MICU2: variants seen among roughly 807,000 people sequenced by gnomAD.
The protein encoded by MICU2 is calcium uptake protein 2, mitochondrial.
In MICU2, 64 loss-of-function variants were observed where a neutral mutation model predicts 60.4. That is an observed-to-expected ratio of 1.06 (90% confidence interval 0.87 to 1.31). The LOEUF (loss-of-function observed/expected upper bound fraction) is 1.31, where lower values mean the gene tolerates loss of function less well. MICU2 is among the 50% of genes most tolerant of loss of function. The pLI is 0.00. For missense variants in MICU2, 569 were observed against 531.0 expected (o/e 1.07, Z -0.70); for synonymous variants, 201 against 175.0 (o/e 1.15, Z -1.17).
intron 1 of MICU2, among the ~76,000 whole-genome samples, chr13:21,573,483 A>T (rs1453555931): frequency 6.6e-6 from 1 of 152,164 alleles, no homozygotes; most frequent in Non-Finnish European, 1.5e-5. Flanking sequence ...CGTCTTAGCC[A>T]GGATGGTCTT....
intron 1 of MICU2, among the ~76,000 whole-genome samples, chr13:21,599,956 T>C (rs1888778225): frequency 6.6e-6 from 1 of 152,246 alleles, no homozygotes; most frequent in Non-Finnish European, 1.5e-5. Context: ...GTAATACCAC[T>C]ATAGCTTGTT....
intron 2 of MICU2, among the ~76,000 whole-genome samples, chr13:21,560,034 C>G (rs1226007305): frequency 1.3e-5 from 2 of 152,108 alleles, no homozygotes; most frequent in Non-Finnish European, 2.9e-5. Flanking sequence ...CTTACTACTT[C>G]TGTCCCTTTT....
chr13:21,496,274 AGAC>A, intron 9 of MICU2, 114 bp from the exon 10 acceptor site: 1 of 745,974 alleles, frequency 1.3e-6, no homozygotes. Flanking sequence ...TAAGAGGAAG[AGAC>A]AACAGAGCTT....
At chr13:21,502,433 T>G (rs571838858) in intron 9 of MICU2, among the ~76,000 whole-genome samples, 1 of 152,332 alleles carries the variant, frequency 6.6e-6, no homozygotes, top group Admixed American at 6.5e-5. Flanking sequence ...CATATGCATG[T>G]CATTACATTT....
intron 1 of MICU2, among the ~76,000 whole-genome samples, chr13:21,584,157 G>A (rs1888408306): frequency 6.6e-6 from 1 of 152,098 alleles, no homozygotes; most frequent in African/African-American, 2.4e-5. Flanking sequence ...TGGGAGGCTG[G>A]GGCGGGTGGA....
chr13:21,552,937 T>C (rs527618708), intron 2 of MICU2, among the ~76,000 whole-genome samples: 3 of 152,212 alleles, frequency 2.0e-5, no homozygotes, highest in African/African-American at 2.4e-5. Context: ...CCATATGAAC[T>C]TTAAAGTAGT....
rs147343580 is a variant in MICU2, at chr13:21,597,146, T to C, written c.210+6793A>G. Among the ~76,000 whole-genome samples, 252 of 152,362 alleles carry C rather than the reference T, an allele frequency of 1.7e-3. 1 individual carries two copies. Among genetic ancestry groups the C allele is most frequent in the Middle Eastern group, 3.4e-3 (1 of 294 alleles). On this transcript the variant is annotated intron_variant, in intron 1 of 11. Coordinates refer to ENST00000382374, the MANE Select transcript of MICU2 (RefSeq NM_152726.3). ...ATCTTATATGTAGTCACAGGTTAAATTGACCCATCTTTAAACTTCAGAGAC... is the reference window on the plus strand; with the variant it reads ...ATCTTATATGTAGTCACAGGTTAAACTGACCCATCTTTAAACTTCAGAGAC...
rs374373614 is a variant in MICU2 at position 21,517,770 on chromosome 13, G to GACACACACACAC, written c.598-3364_598-3353dup. 2.6e-4 allele frequency among the ~76,000 whole-genome samples: 37 copies of GACACACACACAC among 144,610 alleles called. 1 individual carries two copies. The highest frequency in any genetic ancestry group is 9.0e-4 in the African/African-American group (36 of 39,936). The allele number at this position is 144,610 out of a possible 152,430, so 94.9% of individuals were successfully genotyped here. Reference sequence around the variant, plus strand: ...ACTCCAGCCTGGGTGACAGAGCGAGGACACACACACACACACACACACACA... The same window carrying GACACACACACAC: ...ACTCCAGCCTGGGTGACAGAGCGAGGACACACACACACACACACACACACACACACACACACA... On this transcript the variant is annotated intron_variant, in intron 6 of 11. Coordinates refer to ENST00000382374, the MANE Select transcript of MICU2 (RefSeq NM_152726.3).
intron 6 of MICU2, among the ~76,000 whole-genome samples, chr13:21,518,730 A>T (rs1237150847): frequency 6.6e-6 from 1 of 152,134 alleles, no homozygotes; most frequent in Non-Finnish European, 1.5e-5. Context: ...TAAATCTATC[A>T]ATTTCTTGTC....
intron 7 of MICU2, among the ~76,000 whole-genome samples, chr13:21,512,088 T>C (rs1364040063): frequency 6.6e-6 from 1 of 152,208 alleles, no homozygotes; most frequent in African/African-American, 2.4e-5. Context: ...CCACTAGCAA[T>C]GAGTGATTCA....
chr13:21,539,599 A>C, intron 3 of MICU2, 58 bp downstream of exon 3: 1 of 1,610,846 alleles, frequency 6.2e-7, no homozygotes, highest in Non-Finnish European at 8.5e-7. Flanking sequence ...TGCCCGGCCA[A>C]AAGTTCATTT....
chr13:21,507,900 C>A (rs745479931), intron 8 of MICU2, among the ~76,000 whole-genome samples: 2 of 151,960 alleles, frequency 1.3e-5, no homozygotes, highest in East Asian at 1.9e-4. Flanking sequence ...CCGCGCCCGG[C>A]CAGATTTTCT....
At chr13:21,583,834 A>G (rs1243083041) in intron 1 of MICU2, among the ~76,000 whole-genome samples, 7 of 152,248 alleles carry the variant, frequency 4.6e-5, no homozygotes, top group South Asian at 4.1e-4. Context: ...ATTATGACCA[A>G]GTTAAACTGA....
intron 9 of MICU2, among the ~76,000 whole-genome samples, chr13:21,502,292 T>C (rs1460068799): frequency 6.6e-6 from 1 of 152,116 alleles, no homozygotes; most frequent in African/African-American, 2.4e-5. Flanking sequence ...ATTGTAAACA[T>C]TTTTTTGGAA....
chr13:21,528,875 T>C (rs1380789070), intron 4 of MICU2, among the ~76,000 whole-genome samples: 2 of 152,074 alleles, frequency 1.3e-5, no homozygotes, highest in South Asian at 2.1e-4. Flanking sequence ...AATTCTCCAA[T>C]GAACAGAAGG....
In MICU2 at chr13:21,525,181, ATTTTTTTTT is replaced by A. The variant is rs71093324; in HGVS notation, c.467-2540_467-2532del. 3.6e-4 allele frequency among the ~76,000 whole-genome samples: 30 copies of A among 83,306 alleles called. 1 individual carries two copies. In the South Asian group the frequency reaches 5.6e-3, roughly 16 times the overall value. The allele number at this position is 83,306 out of a possible 152,430, so 54.7% of individuals were successfully genotyped here. A position where few individuals can be genotyped will look rare whatever the true frequency, so the allele number is the denominator to read the frequency against. The stretch of plus-strand genomic sequence containing the variant: ...TCATACAGTAATGCTGTGTAATTCA[ATTTTTTTTT>A]TTTTTTTTTTTTTTTTTTTTGAGAT... On this transcript the variant is annotated intron_variant, in intron 4 of 11. Transcript: ENST00000382374.
At chr13:21,537,645 G>C (rs1887166046) in intron 4 of MICU2, among the ~76,000 whole-genome samples, 1 of 151,588 alleles carries the variant, frequency 6.6e-6, no homozygotes, top group Non-Finnish European at 1.5e-5. Context: ...AATTTTTTGT[G>C]TTTTTAGTAG....
At chr13:21,498,239 T>G (rs572641215) in intron 9 of MICU2, among the ~76,000 whole-genome samples, 1 of 152,144 alleles carries the variant, frequency 6.6e-6, no homozygotes, top group South Asian at 2.1e-4. Flanking sequence ...AAAAGTAATA[T>G]GTGCACATGG....
chr13:21,503,170 AAGTACC>A, intron 8 of MICU2, 73 bp from the exon 9 acceptor site: 23 of 1,103,730 alleles, frequency 2.1e-5, no homozygotes, highest in Non-Finnish European at 3.0e-5. Context: ...TGGGTCTGCA[AAGTACC>A]TTCACTATTA....
Sources: allele counts gnomAD v4.1 joint callset (sites outside exome capture counted in the v4.1 genomes callset), GRCh38; gene constraint gnomAD v4.1.1; transcripts MANE v1.5; gene names NCBI Gene and HGNC (gene_info 2026-07-23, HGNC 2026-07-21).